Variants in PACRG observed in about 807,000 individuals in gnomAD.
PACRG encodes the protein parkin coregulated, also known as parkin coregulated gene protein.
Under a neutral mutation model 29.7 loss-of-function variants are expected in PACRG, and 29 were observed. The ratio of observed to expected loss-of-function variants is 0.98; its 90% CI spans 0.73 to 1.33. PACRG has a LOEUF of 1.33. Among genes scored for constraint, PACRG ranks in the 40% most tolerant of loss-of-function variants. The pLI, the probability that PACRG is intolerant of heterozygous loss-of-function variation, is 0.00. For missense variants in PACRG, 279 were observed against 316.2 expected (o/e 0.88, Z 0.89); for synonymous variants, 116 against 118.7 (o/e 0.98, Z 0.15).
intron 2 of PACRG, among the ~76,000 whole-genome samples, chr6:162,999,013 C>T (rs931297628): frequency 6.6e-6 from 1 of 152,130 alleles, no homozygotes; most frequent in African/African-American, 2.4e-5. Flanking sequence ...GTCACAGCAC[C>T]AGTCTGCTGT....
At chr6:162,950,729 C>G (rs531646941) in intron 2 of PACRG, among the ~76,000 whole-genome samples, 2 of 152,050 alleles carry the variant, frequency 1.3e-5, no homozygotes, top group African/African-American at 4.8e-5. Flanking sequence ...CTAATTGTTC[C>G]TGAATTCAAT....
intron 2 of PACRG, among the ~76,000 whole-genome samples, chr6:162,903,233 A>G (rs1379895030): frequency 2.0e-5 from 3 of 152,158 alleles, no homozygotes; most frequent in Non-Finnish European, 4.4e-5. Flanking sequence ...TGCAGGTGAG[A>G]ACTGTCACTT....
chr6:162,993,358 A>G (rs1490069761), intron 2 of PACRG, among the ~76,000 whole-genome samples: 2 of 79,658 alleles, frequency 2.5e-5, no homozygotes, highest in Non-Finnish European at 4.6e-5. Flanking sequence ...GTCTCCCATT[A>G]TTAATGTGTG....
chr6:162,819,181 G>A (rs190310187), intron 2 of PACRG, among the ~76,000 whole-genome samples: 12 of 152,252 alleles, frequency 7.9e-5, no homozygotes, highest in Admixed American at 4.6e-4. Context: ...GCAGGTATAT[G>A]TGAGAATGGA....
intron 1 of PACRG, among the ~76,000 whole-genome samples, chr6:162,773,859 C>T (rs1282811775): frequency 3.9e-5 from 6 of 152,032 alleles, no homozygotes; most frequent in Non-Finnish European, 5.9e-5. Context: ...CAAATCCTGG[C>T]TTCTTGCTGG....
intron 2 of PACRG, among the ~76,000 whole-genome samples, chr6:162,933,268 A>G (rs1252570214): frequency 1.3e-5 from 2 of 152,118 alleles, no homozygotes; most frequent in Non-Finnish European, 2.9e-5. Flanking sequence ...GTGGCCTAAT[A>G]TATGGTTTAT....
chr6:162,792,267 C>T (rs1252837684), intron 1 of PACRG, among the ~76,000 whole-genome samples: 1 of 152,044 alleles, frequency 6.6e-6, no homozygotes, highest in Non-Finnish European at 1.5e-5. Flanking sequence ...ATTGTACCGA[C>T]TGACCATGAC....
chr6:162,845,724 G>T (rs1435456724), intron 2 of PACRG, among the ~76,000 whole-genome samples: 1 of 152,092 alleles, frequency 6.6e-6, no homozygotes, highest in African/African-American at 2.4e-5. Flanking sequence ...TTCATTAAAA[G>T]TATTTTCTTG....
chr6:163,049,107 A>G (rs1809714650), intron 2 of PACRG, among the ~76,000 whole-genome samples: 1 of 152,148 alleles, frequency 6.6e-6, no homozygotes, highest in Non-Finnish European at 1.5e-5. Context: ...GGACCAGCCT[A>G]CCAAATATTA....
At chr6:162,754,565 T>A (rs1781751858) in intron 1 of PACRG, among the ~76,000 whole-genome samples, 1 of 152,182 alleles carries the variant, frequency 6.6e-6, no homozygotes, top group African/African-American at 2.4e-5. Flanking sequence ...TGGAGCTTCC[T>A]CCCAGTGTTT....
chr6:162,937,192 T>C (rs1164941860), intron 2 of PACRG, among the ~76,000 whole-genome samples: 1 of 152,186 alleles, frequency 6.6e-6, no homozygotes, highest in Non-Finnish European at 1.5e-5. Context: ...AAATATAATA[T>C]GAATCACGTA....
intron 3 of PACRG, among the ~76,000 whole-genome samples, chr6:163,070,364 A>C: frequency 6.6e-6 from 1 of 152,260 alleles, no homozygotes; most frequent in South Asian, 2.1e-4. Flanking sequence ...AGACATAGAC[A>C]GTATAATAAA....
chr6:163,148,473 T>C (rs1777895098), intron 4 of PACRG, among the ~76,000 whole-genome samples: 1 of 152,300 alleles, frequency 6.6e-6, no homozygotes, highest in East Asian at 1.9e-4. Flanking sequence ...ACAGAAAACA[T>C]TTCTAGCCAG....
intron 2 of PACRG, among the ~76,000 whole-genome samples, chr6:162,901,071 A>G (rs1158302929): frequency 6.6e-6 from 1 of 152,210 alleles, no homozygotes; most frequent in East Asian, 1.9e-4. Flanking sequence ...ATATACAGAT[A>G]CATAATACAA....
At chr6:163,181,623 A>G (rs902155852) in intron 4 of PACRG, among the ~76,000 whole-genome samples, 7 of 151,762 alleles carry the variant, frequency 4.6e-5, no homozygotes, top group African/African-American at 1.5e-4. Context: ...AAAAAAAAAA[A>G]AAAAAAAATA....
At chr6:163,280,471 A>G (rs541580741) in intron 4 of PACRG, among the ~76,000 whole-genome samples, 3 of 152,302 alleles carry the variant, frequency 2.0e-5, no homozygotes, top group African/African-American at 7.2e-5. Context: ...GCAAATGTTC[A>G]ATGAACACTC....
At chr6:162,804,370 G>T (rs778995697) in intron 1 of PACRG, among the ~76,000 whole-genome samples, 8 of 152,112 alleles carry the variant, frequency 5.3e-5, no homozygotes, top group Admixed American at 2.6e-4. Context: ...AATAATCTAG[G>T]ACAGTGACTG....
chr6:163,193,095 T>C (rs186731521), intron 4 of PACRG, among the ~76,000 whole-genome samples: 2 of 152,320 alleles, frequency 1.3e-5, no homozygotes, highest in East Asian at 1.9e-4. Context: ...AGCCTATAAT[T>C]CAAATGAATA....
chr6:162,953,331 G>T (rs1425788822), intron 2 of PACRG, among the ~76,000 whole-genome samples: 2 of 152,082 alleles, frequency 1.3e-5, no homozygotes, highest in African/African-American at 4.8e-5. Context: ...ACAGCTACTT[G>T]CAATGTTCAA....
Sources: allele counts gnomAD v4.1 joint callset (sites outside exome capture counted in the v4.1 genomes callset), GRCh38; gene constraint gnomAD v4.1.1; transcripts MANE v1.5; gene names NCBI Gene and HGNC (gene_info 2026-07-23, HGNC 2026-07-21).